KIF17: variants seen among roughly 807,000 people sequenced by gnomAD.
KIF17 encodes the protein kinesin-like protein KIF17.
Under a neutral mutation model 96.8 loss-of-function variants are expected in KIF17, and 80 were observed. The ratio of observed to expected loss-of-function variants is 0.83; its 90% CI spans 0.69 to 1.00. The LOEUF is 1.00. KIF17 is among the 50% of genes least tolerant of loss of function. The pLI, the probability that KIF17 is intolerant of heterozygous loss-of-function variation, is 0.00. For missense variants in KIF17, 1,280 were observed against 1,372.9 expected, an observed-to-expected ratio of 0.93 and a Z score of 1.07; for synonymous variants, 567 against 587.5, an observed-to-expected ratio of 0.97 and a Z score of 0.51.
At chr1:20,686,017 C>T (rs752544631) in intron 9 of KIF17, 29 bp downstream of exon 9, 2 of 1,535,670 alleles carry the variant, frequency 1.3e-6, no homozygotes, top group South Asian at 2.4e-5. Context: ...AACCCCGTCC[C>T]CCACATGGAG....
intron 10 of KIF17, 29 bp downstream of exon 10, chr1:20,684,780 T>TC (rs138799650): frequency 0.12 from 186,713 of 1,549,258 alleles, 13,866 homozygotes; most frequent in East Asian, 0.31. Flanking sequence ...CACCGTGGGG[T>TC]CCCGCCAGCC....
In KIF17 at chr1:20,664,277, A is replaced by G. The variant is rs930955509; in HGVS notation, c.*307T>C. The G allele has an allele frequency of 2.4e-6, 3 of 1,264,394 alleles. No individual in the cohort carries two copies. The African/African-American group carries it at 4.5e-5, about 19-fold the overall frequency. 78.3% of individuals were successfully genotyped at this position (1,264,394 alleles called of 1,614,324 possible). A position where few individuals can be genotyped will look rare whatever the true frequency, so the allele number is the denominator to read the frequency against. On this transcript the variant is annotated 3_prime_UTR_variant, in exon 15 of 15. Transcript: ENST00000400463. The stretch of plus-strand genomic sequence containing the variant: ...TGAAGCAGGTCTCAGGCTTTGAGGC[A>G]AAGACCAACACTGGTGGGCATGGGT...
intron 6 of KIF17, among the ~76,000 whole-genome samples, chr1:20,692,031 A>G (rs624370): frequency 0.22 from 33,434 of 152,090 alleles, 3,759 homozygotes; most frequent in African/African-American, 0.26. Flanking sequence ...ACACAGCCAT[A>G]GTGCCCACCC....
At chr1:20,673,890 A>G (rs2154535230) in intron 11 of KIF17, among the ~76,000 whole-genome samples, 1 of 151,506 alleles carries the variant, frequency 6.6e-6, no homozygotes, top group East Asian at 2.0e-4. Context: ...TAATCATTAT[A>G]TGTTTTTGTA....
Position 20,704,430 on chromosome 1 carries a change from C to T in KIF17, c.1123+17G>A. 1 of 1,609,216 alleles carries T rather than the reference C, an allele frequency of 6.2e-7. No homozygotes were observed. The highest frequency in any genetic ancestry group is 8.5e-7 in the Non-Finnish European group (1 of 1,176,714). ...TGGGGACCTGGCCCTCCCGCCACTACCCCAACGTGGTCCCACCTGACAGGC... is the reference window on the plus strand; with the variant it reads ...TGGGGACCTGGCCCTCCCGCCACTATCCCAACGTGGTCCCACCTGACAGGC... On this transcript the variant is annotated intron_variant, in intron 5 of 14. Transcript: ENST00000400463. The surrounding 1 kb of genome is among the most constrained non-coding windows in gnomAD (Gnocchi z 6.8).
Position 20,664,423 on chromosome 1 carries a change from C to T in KIF17, c.*161G>A. The T allele has an allele frequency of 6.5e-7, 1 of 1,533,032 alleles. No homozygotes were observed. The highest frequency in any genetic ancestry group is 8.7e-7 in the Non-Finnish European group (1 of 1,143,112). 95.0% of individuals were successfully genotyped at this position (1,533,032 alleles called of 1,614,324 possible). A position where few individuals can be genotyped will look rare whatever the true frequency, so the allele number is the denominator to read the frequency against. On this transcript the variant is annotated 3_prime_UTR_variant, in exon 15 of 15. Transcript: ENST00000400463. ...CTCCTGCCCAGGGCGGAGGTGGGCT[C>T]TCTGGGGAACAGGGAAGGGAATGTG...
At chr1:20,705,996 A>G (rs1295732215) in intron 4 of KIF17, among the ~76,000 whole-genome samples, 1 of 144,922 alleles carries the variant, frequency 6.9e-6, no homozygotes. Flanking sequence ...ACAGCCTCGA[A>G]CTCCCAGGCT....
Position 20,717,651 on chromosome 1 carries a change from T to C in KIF17, c.56A>G (p.Glu19Gly). 1 of 1,606,246 alleles carries C rather than the reference T, an allele frequency of 6.2e-7. No individual in the cohort carries two copies. Among genetic ancestry groups the C allele is most frequent in the South Asian group, 1.1e-5 (1 of 90,922 alleles). Residue 19 changes from glutamate (E) to glycine (G), a missense_variant, in exon 1 of 15, where the codon GAG becomes GGG. Transcript: ENST00000400463. ...CACGGGCTGGCAGCGCAGCTCTCGC[T>C]CCCGCTGGTTCATGGGACGGCAGCG... ...VVRCRPMNQRERELRCQPVVT... is the reference protein window; with the variant it reads ...VVRCRPMNQRGRELRCQPVVT...
Position 20,687,777 on chromosome 1 carries a change from C to A in KIF17, c.1549G>T (p.Val517Phe), listed in dbSNP as rs1437838319. Reference sequence around the variant, plus strand: ...GGCAGCTCCGCAAACCTGGAGGAAACCTGAGTCTTGGAGACATCGTCACTG... The same window carrying A: ...GGCAGCTCCGCAAACCTGGAGGAAAACTGAGTCTTGGAGACATCGTCACTG... ...LPSDDVSKTQ[V>F]SSRFAELPKV... Residue 517 changes from valine (V) to phenylalanine (F), a missense_variant, in exon 8 of 15, where the codon GTT becomes TTT. Coordinates refer to ENST00000400463, the MANE Select transcript of KIF17 (RefSeq NM_001122819.3). This position sits in a 1 kb window ranked among gnomAD's most constrained non-coding sequence, Gnocchi z 4.4. 1 of 1,614,208 alleles carries A rather than the reference C, an allele frequency of 6.2e-7. No homozygotes were observed. Among genetic ancestry groups the A allele is most frequent in the Non-Finnish European group, 8.5e-7 (1 of 1,180,042 alleles).
chr1:20,665,666 G>A (rs1031873369), intron 14 of KIF17, among the ~76,000 whole-genome samples: 1 of 152,130 alleles, frequency 6.6e-6, no homozygotes, highest in African/African-American at 2.4e-5. Context: ...CTGCCAATGT[G>A]CTGGGATTAC....
In KIF17 at chr1:20,673,938, A is replaced by AT. The variant is rs554683428; in HGVS notation, c.2464-1743dup. Among the ~76,000 whole-genome samples the AT allele has an allele frequency of 1.4e-3, 215 of 149,320 alleles. 2 individuals are homozygous for AT. Among genetic ancestry groups the AT allele is most frequent in the Non-Finnish European group, 2.2e-3 (147 of 67,088 alleles). Reference sequence around the variant, plus strand: ...CTAACAATAATTTTTGTTTGTTGTTATTTTTTTAGAGACAGGGTCTCACTC... The same window carrying AT: ...CTAACAATAATTTTTGTTTGTTGTTATTTTTTTTAGAGACAGGGTCTCACTC... On this transcript the variant is annotated intron_variant, in intron 11 of 14. Coordinates refer to ENST00000400463, the MANE Select transcript of KIF17 (RefSeq NM_001122819.3).
chr1:20,695,195 AT>A (rs920738092), intron 6 of KIF17, among the ~76,000 whole-genome samples: 3 of 149,824 alleles, frequency 2.0e-5, no homozygotes. Context: ...TTAATTTTTA[AT>A]TTTTTTTTTG....
At position 20,690,352 on chromosome 1, in the gene KIF17, G is replaced by GGGGGCCCCCC; in HGVS notation, c.1234-18_1234-17insGGGGGGCCCC. The GGGGGCCCCCC allele has an allele frequency of 1.1e-5, 5 of 451,106 alleles. No homozygotes were observed. The highest frequency in any genetic ancestry group is 1.3e-5 in the Non-Finnish European group (3 of 235,104). The allele number at this position is 451,106 out of a possible 1,614,324, so 27.9% of individuals were successfully genotyped here. A position where few individuals can be genotyped will look rare whatever the true frequency, so the allele number is the denominator to read the frequency against. On this transcript the variant is annotated splice_polypyrimidine_tract_variant and intron_variant, in intron 6 of 14. Coordinates refer to ENST00000400463, the MANE Select transcript of KIF17 (RefSeq NM_001122819.3). ...TTCATACTCCTGGGGGGGTGGGAGG[G>GGGGGCCCCCC]ACCAGAGGGCAGGCAGCATTTTATC...
intron 6 of KIF17, among the ~76,000 whole-genome samples, chr1:20,691,203 G>A (rs2054034135): frequency 6.6e-6 from 1 of 151,734 alleles, no homozygotes; most frequent in Non-Finnish European, 1.5e-5. Context: ...TGAGGCATGA[G>A]ACCACTTGAA....
chr1:20,686,517 C>G (rs200880877), intron 8 of KIF17: 2 of 205,492 alleles, frequency 9.7e-6, no homozygotes, highest in East Asian at 1.2e-4. Context: ...CACACACACA[C>G]AGAGGAAAGG....
intron 6 of KIF17, 65 bp from the exon 7 acceptor site, chr1:20,690,400 A>G (rs1365025401): frequency 3.1e-5 from 47 of 1,515,004 alleles, no homozygotes; most frequent in Non-Finnish European, 4.1e-5. Context: ...CCCAGCTTTC[A>G]GTATTCCTTT....
rs147438943 is a variant in KIF17, at chr1:20,717,514, C to T, written c.193G>A (p.Glu65Lys). The stretch of plus-strand genomic sequence containing the variant: ...TAGGCGATCTCGTTGTAGATCTGCT[C>T]GGTGACGTGGTCCACGTGGTAGGCG... ...DGAYHVDHVT[E>K]QIYNEIAYPL... is the part of the protein sequence containing the mutation. The change falls in exon 1 of 15, where the codon GAG becomes AAG. Residue 65 changes from glutamate to lysine, a missense_variant. Coordinates refer to ENST00000400463, the MANE Select transcript of KIF17 (RefSeq NM_001122819.3). 9,056 of 1,611,848 alleles carry T rather than the reference C, an allele frequency of 5.6e-3. 31 individuals are homozygous for T. Among genetic ancestry groups the T allele is most frequent in the Non-Finnish European group, 6.3e-3 (7,487 of 1,179,632 alleles).
Position 20,699,400 on chromosome 1 carries a change from C to T in KIF17, c.1124-912G>A, listed in dbSNP as rs1449792036. 6.7e-6 allele frequency among the ~76,000 whole-genome samples: 1 copy of T among 150,010 alleles called. No individual in the cohort carries two copies. On this transcript the variant is annotated intron_variant, in intron 5 of 14. Transcript: ENST00000400463. The surrounding 1 kb of genome is among the most constrained non-coding windows in gnomAD (Gnocchi z 4.3). ...CCAACATAGTAAAACCCCGTCTCTACCAAAAAAATACAAAAATTAGCTAGG... is the reference window on the plus strand; with the variant it reads ...CCAACATAGTAAAACCCCGTCTCTATCAAAAAAATACAAAAATTAGCTAGG...
In KIF17 at chr1:20,700,574, G is replaced by T. The variant is rs377502125; in HGVS notation, c.1124-2086C>A. On this transcript the variant is annotated intron_variant, in intron 5 of 14. Transcript: ENST00000400463. The surrounding 1 kb of genome is among the most constrained non-coding windows in gnomAD (Gnocchi z 4.6). ...CAGTGGGATATGTTGGGTTTGAAAT[G>T]CTTATTACACAGCTACAGATTCAAG... 2.0e-5 allele frequency among the ~76,000 whole-genome samples: 3 copies of T among 152,202 alleles called. No individual in the cohort carries two copies. The highest frequency in any genetic ancestry group is 7.2e-5 in the African/African-American group (3 of 41,438).
Sources: allele counts gnomAD v4.1 joint callset (sites outside exome capture counted in the v4.1 genomes callset), GRCh38; gene constraint gnomAD v4.1.1; non-coding constraint Gnocchi (gnomAD v3.1); transcripts MANE v1.5; gene names NCBI Gene and HGNC (gene_info 2026-07-23, HGNC 2026-07-21).